Variants in OSMR observed in about 807,000 individuals in gnomAD.
The protein encoded by OSMR is oncostatin M receptor.
Under a neutral mutation model 99.9 loss-of-function variants are expected in OSMR, and 81 were observed. The observed-to-expected ratio is 0.81, with a 90% CI of 0.68 to 0.97. The LOEUF is 0.97. Ranked by LOEUF, OSMR falls within the 50% of genes least tolerant of loss-of-function variation. The pLI is 0.00. For missense variants in OSMR, 1,099 were observed against 1,153.4 expected, an observed-to-expected ratio of 0.95 and a Z score of 0.68; for synonymous variants, 406 against 410.4, an observed-to-expected ratio of 0.99 and a Z score of 0.13.
intron 9 of OSMR, among the ~76,000 whole-genome samples, chr5:38,907,675 C>T (rs1745332240): frequency 6.6e-6 from 1 of 152,174 alleles, no homozygotes; most frequent in Non-Finnish European, 1.5e-5. Context: ...ATCATAGCTG[C>T]TTTGCTGGCA....
intron 7 of OSMR, among the ~76,000 whole-genome samples, chr5:38,889,977 C>A (rs373916440): frequency 6.6e-6 from 1 of 152,204 alleles, no homozygotes; most frequent in African/African-American, 2.4e-5. Flanking sequence ...TAAGTTTTAA[C>A]TTAACATTGC....
intron 7 of OSMR, among the ~76,000 whole-genome samples, chr5:38,901,835 G>A (rs1744910264): frequency 6.6e-6 from 1 of 152,198 alleles, no homozygotes; most frequent in Admixed American, 6.5e-5. Flanking sequence ...TGGTGGGTTT[G>A]CTGGTCAATT....
chr5:38,872,512 A>C (rs1014144315), intron 2 of OSMR, among the ~76,000 whole-genome samples: 13 of 152,238 alleles, frequency 8.5e-5, no homozygotes, highest in Admixed American at 7.2e-4. Context: ...TCAGTGCTCC[A>C]AACAAGGGCT....
At chr5:38,918,446 G>C (rs1746045772) in intron 10 of OSMR, among the ~76,000 whole-genome samples, 1 of 152,098 alleles carries the variant, frequency 6.6e-6, no homozygotes, top group African/African-American at 2.4e-5. Flanking sequence ...GGCTGGAGGT[G>C]GAATGAGGCC....
rs773066133 is a variant in OSMR at position 38,933,197 on chromosome 5, A to G, written c.2693A>G (p.Glu898Gly). The G allele has an allele frequency of 1.1e-5, 17 of 1,614,090 alleles. No individual in the cohort carries two copies. The highest frequency in any genetic ancestry group is 1.3e-5 in the African/African-American group (1 of 74,930). Residue 898 changes from glutamate (E) to glycine (G), a missense_variant, in exon 18 of 18, where the codon GAA (glutamate) becomes GGA (glycine). Glu to Gly is a moderately conservative substitution (Grantham distance 98). Coordinates refer to ENST00000274276, the MANE Select transcript of OSMR (RefSeq NM_003999.3). ...CCTGAAAATGTACTAAAGGCACTAG[A>G]AAAAAACTACATGAACTCCCTGGGA... ...TSPENVLKAL[E>G]KNYMNSLGEI...
At chr5:38,894,594 A>AG (rs2112475070) in intron 7 of OSMR, among the ~76,000 whole-genome samples, 1 of 17,104 alleles carries the variant, frequency 5.8e-5, no homozygotes, top group South Asian at 1.9e-3. Context: ...TAAAAAAGAC[A>AG]AAAAAAAGGC....
In OSMR at chr5:38,852,718, A is replaced by ATTTTTTTTTTTTTTT. The variant is rs61559728; in HGVS notation, c.-14+6347_-14+6361dup. Among the ~76,000 whole-genome samples the ATTTTTTTTTTTTTTT allele has an allele frequency of 4.0e-3, 280 of 70,672 alleles. 57 individuals are homozygous for ATTTTTTTTTTTTTTT. Among genetic ancestry groups the ATTTTTTTTTTTTTTT allele is most frequent in the Non-Finnish European group, 4.5e-3 (173 of 38,656 alleles). 46.4% of individuals were successfully genotyped at this position (70,672 alleles called of 152,430 possible). Reference sequence around the variant, plus strand: ...GATACATATTGAAACTATTGTTTTCATTTTTTTTTTTTTTTTTTTTTTTTT... The same window carrying ATTTTTTTTTTTTTTT: ...GATACATATTGAAACTATTGTTTTCATTTTTTTTTTTTTTTTTTTTTTTTTTTTTTTTTTTTTTTT... On this transcript the variant is annotated intron_variant, in intron 1 of 17. Transcript: ENST00000274276.
chr5:38,868,068 A>G (rs1742082895), intron 1 of OSMR, among the ~76,000 whole-genome samples: 2 of 152,184 alleles, frequency 1.3e-5, no homozygotes, highest in African/African-American at 4.8e-5. Context: ...TCTTGAGACT[A>G]TTGTATTTGT....
intron 13 of OSMR, chr5:38,924,218 T>C: frequency 1.4e-6 from 1 of 717,564 alleles, no homozygotes; most frequent in Non-Finnish European, 1.7e-6. Context: ...AAGGCAAGAC[T>C]TGAACAAGAT....
chr5:38,929,847 G>T (rs896430835), intron 15 of OSMR, among the ~76,000 whole-genome samples: 1 of 152,204 alleles, frequency 6.6e-6, no homozygotes, highest in Non-Finnish European at 1.5e-5. Flanking sequence ...GCAAGAAGCT[G>T]CAATTCATTT....
At chr5:38,871,613 G>C (rs1742394729) in intron 2 of OSMR, among the ~76,000 whole-genome samples, 1 of 151,966 alleles carries the variant, frequency 6.6e-6, no homozygotes, top group Non-Finnish European at 1.5e-5. Context: ...GTTAACCCTG[G>C]GTACATGTTT....
intron 9 of OSMR, among the ~76,000 whole-genome samples, chr5:38,914,257 T>C (rs1476227730): frequency 1.3e-5 from 2 of 152,200 alleles, no homozygotes; most frequent in Non-Finnish European, 2.9e-5. Context: ...GGCTAGTAGA[T>C]GGTCATCTAT....
chr5:38,851,613 T>C (rs1579612501), intron 1 of OSMR, among the ~76,000 whole-genome samples: 1 of 152,346 alleles, frequency 6.6e-6, no homozygotes, highest in Middle Eastern at 3.4e-3. Context: ...GTCAGTCATC[T>C]ACGCTCTCTT....
chr5:38,846,020 C>G lies in OSMR; in HGVS notation c.-381C>G, dbSNP rs1411094481. The G allele has an allele frequency of 6.6e-6, 1 of 152,624 alleles. No homozygotes were observed. The highest frequency in any genetic ancestry group is 2.4e-5 in the African/African-American group (1 of 41,566). 9.5% of individuals were successfully genotyped at this position (152,624 alleles called of 1,614,324 possible). On this transcript the variant is annotated 5_prime_UTR_variant, in exon 1 of 18. Coordinates refer to ENST00000274276, the MANE Select transcript of OSMR (RefSeq NM_003999.3). ...CTCCGCGCTTGCCCCGCAGCTGATT[C>G]ATAGCCCCGGCCCGGGCCGCCTCTG...
chr5:38,911,949 C>T (rs1745614254), intron 9 of OSMR, among the ~76,000 whole-genome samples: 1 of 152,036 alleles, frequency 6.6e-6, no homozygotes, highest in African/African-American at 2.4e-5. Context: ...AATCCACAGC[C>T]AACATCATAC....
rs1746922873 is a variant in OSMR, at chr5:38,934,423, CT to C, written c.*980del. ...ATTGTTGGACATAATTTAGATATAA[CT>C]AAAAAGTTCTATGAAGTGGGAAATT... On this transcript the variant is annotated 3_prime_UTR_variant, in exon 18 of 18. Coordinates refer to ENST00000274276, the MANE Select transcript of OSMR (RefSeq NM_003999.3). 6.6e-6 allele frequency: 1 copy of C among 152,086 alleles called. No individual in the cohort carries two copies. Among genetic ancestry groups the C allele is most frequent in the African/African-American group, 2.4e-5 (1 of 41,402 alleles). The allele number at this position is 152,086 out of a possible 1,614,324, so 9.4% of individuals were successfully genotyped here. A position where few individuals can be genotyped will look rare whatever the true frequency, so the allele number is the denominator to read the frequency against.
At chr5:38,862,750 C>T (rs764816944) in intron 1 of OSMR, among the ~76,000 whole-genome samples, 599 of 130,500 alleles carry the variant, frequency 4.6e-3, no homozygotes, top group Non-Finnish European at 4.7e-3. Context: ...CTCCTCACTT[C>T]CCAGACGGGG....
intron 9 of OSMR, among the ~76,000 whole-genome samples, chr5:38,911,347 C>G (rs911249120): frequency 6.6e-6 from 1 of 152,166 alleles, no homozygotes; most frequent in Non-Finnish European, 1.5e-5. Context: ...AACATACAGC[C>G]TCTCAAGATT....
rs1373903511 is a variant in OSMR at position 38,862,220 on chromosome 5, A to C, written c.-13-6812A>C. On this transcript the variant is annotated intron_variant, in intron 1 of 17. Coordinates refer to ENST00000274276, the MANE Select transcript of OSMR (RefSeq NM_003999.3). ...GGCAGAGGCGCCCCTCACCTCCCGG[A>C]CGGGGCGGCTGGCTGGGCGGGGGGC... is the stretch of plus-strand genomic sequence containing the variant. Among the ~76,000 whole-genome samples, 2 of 104,744 alleles carry C rather than the reference A, an allele frequency of 1.9e-5. 1 individual carries two copies. The highest frequency in any genetic ancestry group is 3.9e-5 in the Non-Finnish European group (2 of 51,560). 68.7% of individuals were successfully genotyped at this position (104,744 alleles called of 152,430 possible).
Sources: gnomAD v4.1 joint callset for allele counts (sites outside exome capture counted in the v4.1 genomes callset) on GRCh38, gnomAD v4.1.1 for gene constraint, MANE v1.5 for transcripts, NCBI Gene and HGNC (gene_info 2026-07-23, HGNC 2026-07-21) for gene names.